The following PTPRZ1 variants were observed in gnomAD, a reference collection of about 807,000 sequenced individuals.
PTPRZ1 encodes receptor-type tyrosine-protein phosphatase zeta.
Under a neutral mutation model 214.1 loss-of-function variants are expected in PTPRZ1, and 82 were observed. The observed-to-expected ratio is 0.38, with a 90% CI of 0.32 to 0.46. PTPRZ1 has a LOEUF of 0.46. Among genes scored for constraint, PTPRZ1 ranks in the 20% least tolerant of loss-of-function variants. The pLI, the probability that PTPRZ1 is intolerant of heterozygous loss-of-function variation, is 1.00. For missense variants in PTPRZ1, 2,603 were observed against 2,748.7 expected (o/e 0.95, Z 1.19); for synonymous variants, 945 against 987.9 (o/e 0.96, Z 0.81).
intron 2 of PTPRZ1, among the ~76,000 whole-genome samples, chr7:121,935,540 TTTTTTTTGTTTGTTTGTTTG>T (rs1387131402): frequency 7.7e-5 from 10 of 129,212 alleles, no homozygotes; most frequent in African/African-American, 3.1e-4. Context: ...TTTTTTGGGG[TTTTTTTTGTTTGTTTGTTTG>T]TTTGTTTGTT....
At chr7:122,032,191 G>A (rs1019660306) in intron 15 of PTPRZ1, 2 of 152,076 alleles carry the variant, frequency 1.3e-5, no homozygotes, top group Non-Finnish European at 2.9e-5. Context: ...ATAGAGAGCT[G>A]TAAGCACAAA....
chr7:122,036,080 G>A (rs1032537853), intron 17 of PTPRZ1, among the ~76,000 whole-genome samples: 8 of 152,118 alleles, frequency 5.3e-5, no homozygotes, highest in African/African-American at 1.9e-4. Context: ...GCTGTTTGCT[G>A]TAACCATTCA....
intron 1 of PTPRZ1, among the ~76,000 whole-genome samples, chr7:121,904,025 A>C (rs2116276868): frequency 6.7e-6 from 1 of 149,708 alleles, no homozygotes; most frequent in Middle Eastern, 3.4e-3. Flanking sequence ...GACGATAATA[A>C]AATTTGAACA....
rs1457134552 is a variant in PTPRZ1, at chr7:121,983,645, T to C, written c.620-20T>C. ...TCCAGTGTTGAGATTCCAGCTGAGA[T>C]GTATATTATTCCTTTTTAGGGAAGC... is the stretch of plus-strand genomic sequence containing the variant. On this transcript the variant is annotated intron_variant, in intron 6 of 29. Transcript: ENST00000393386. The C allele has an allele frequency of 6.3e-6, 10 of 1,592,216 alleles. No homozygotes were observed. Among genetic ancestry groups the C allele is most frequent in the Non-Finnish European group, 7.7e-6 (9 of 1,167,958 alleles).
intron 1 of PTPRZ1, among the ~76,000 whole-genome samples, chr7:121,911,529 A>G (rs994316760): frequency 1.3e-5 from 2 of 152,096 alleles, no homozygotes; most frequent in East Asian, 1.9e-4. Context: ...ATAACTTTTC[A>G]TGTCTAATTC....
At position 121,926,113 on chromosome 7, in the gene PTPRZ1, A is replaced by G. The variant is rs983034695; in HGVS notation, c.59-2043A>G. ...AGGTCTGGAGTTCGAGACCAGCCTG[A>G]CCAACATAGTGAAACCCCGTCTCTA... is the stretch of plus-strand genomic sequence containing the variant. On this transcript the variant is annotated intron_variant, in intron 1 of 29. Coordinates refer to ENST00000393386, the MANE Select transcript of PTPRZ1 (RefSeq NM_002851.3). 9.8e-4 allele frequency among the ~76,000 whole-genome samples: 149 copies of G among 152,144 alleles called. 1 individual carries two copies. Among genetic ancestry groups the G allele is most frequent in the South Asian group, 1.9e-3 (9 of 4,810 alleles).
chr7:122,020,777 A>C (rs2116689015), intron 13 of PTPRZ1, among the ~76,000 whole-genome samples: 1 of 152,006 alleles, frequency 6.6e-6, no homozygotes, highest in South Asian at 2.1e-4. Context: ...AAACAAACAA[A>C]CCTGGTTTCT....
chr7:122,013,163 C>G lies in PTPRZ1; in HGVS notation c.4117C>G (p.His1373Asp), dbSNP rs574748297. ...TDHSVPIGNG[H>D]VAITAVSPHR... ...TCATTCTGTTCCTATAGGAAATGGG[C>G]ATGTTGCCATTACAGCTGTTTCTCC... Residue 1373 changes from histidine (H) to aspartate (D), a missense_variant, in exon 12 of 30, where the codon CAT (histidine) becomes GAT (aspartate). Transcript: ENST00000393386. The G allele has an allele frequency of 3.7e-6, 6 of 1,613,960 alleles. No individual in the cohort carries two copies. The East Asian group carries it at 1.3e-4, about 36-fold the overall frequency.
intron 8 of PTPRZ1, among the ~76,000 whole-genome samples, chr7:121,996,159 T>C (rs1798126901): frequency 6.6e-6 from 1 of 152,154 alleles, no homozygotes; most frequent in Non-Finnish European, 1.5e-5. Context: ...GACCAAGACC[T>C]TTCCAGAATG....
chr7:121,984,021 A>C lies in PTPRZ1; in HGVS notation c.832A>C (p.Met278Leu). 6.2e-7 allele frequency: 1 copy of C among 1,613,654 alleles called. No homozygotes were observed. Among genetic ancestry groups the C allele is most frequent in the Non-Finnish European group, 8.5e-7 (1 of 1,179,780 alleles). ...TMQQSGYVMLMDYLQNNFREQ... is the reference protein window; with the variant it reads ...TMQQSGYVMLLDYLQNNFREQ... ...GCAACAATCTGGTTATGTCATGCTG[A>C]TGGACTACTTACAAAACAATTTTCG... Residue 278 changes from methionine to leucine, a missense_variant, in exon 8 of 30, where the codon ATG becomes CTG. Around this residue, in one of 6 missense-constraint regions of PTPRZ1, gnomAD observed 244 missense variants for 333.2 expected, o/e 0.73. Transcript: ENST00000393386.
intron 8 of PTPRZ1, among the ~76,000 whole-genome samples, chr7:121,993,691 C>T (rs1584721243): frequency 6.6e-6 from 1 of 151,828 alleles, no homozygotes; most frequent in Admixed American, 6.5e-5. Flanking sequence ...CTTCTATGGT[C>T]ATTCCATGGT....
At chr7:121,882,439 A>G (rs2116168866) in intron 1 of PTPRZ1, among the ~76,000 whole-genome samples, 1 of 152,304 alleles carries the variant, frequency 6.6e-6, no homozygotes, top group Middle Eastern at 3.4e-3. Flanking sequence ...ATGGGAGCAG[A>G]AGGCATCAGA....
At chr7:121,943,898 T>C (rs1165259020) in intron 2 of PTPRZ1, among the ~76,000 whole-genome samples, 1 of 152,148 alleles carries the variant, frequency 6.6e-6, no homozygotes, top group Non-Finnish European at 1.5e-5. Flanking sequence ...GAATGAATGA[T>C]GGAGTGAAGA....
intron 1 of PTPRZ1, among the ~76,000 whole-genome samples, chr7:121,874,558 T>C (rs1483910166): frequency 6.6e-6 from 1 of 152,224 alleles, no homozygotes; most frequent in East Asian, 1.9e-4. Context: ...AGATGGTTCA[T>C]AGTAGAGTAG....
chr7:121,899,535 G>C (rs751777514), intron 1 of PTPRZ1, among the ~76,000 whole-genome samples: 95 of 152,140 alleles, frequency 6.2e-4, no homozygotes, highest in Admixed American at 2.1e-3. Context: ...TGGTATTGTA[G>C]GGACATTATC....
intron 22 of PTPRZ1, among the ~76,000 whole-genome samples, chr7:122,043,266 G>C (rs969809073): frequency 1.9e-4 from 29 of 152,228 alleles, no homozygotes; most frequent in African/African-American, 6.7e-4. Flanking sequence ...TATCTGTTTT[G>C]TGACCCCAAA....
intron 19 of PTPRZ1, 106 bp downstream of exon 19, chr7:122,038,995 T>C: frequency 8.3e-7 from 1 of 1,210,912 alleles, no homozygotes; most frequent in Non-Finnish European, 1.2e-6. Context: ...TTGAGAGTTA[T>C]TTGGGATTCT....
intron 1 of PTPRZ1, among the ~76,000 whole-genome samples, chr7:121,892,136 G>C (rs1280014251): frequency 6.6e-6 from 1 of 152,082 alleles, no homozygotes; most frequent in Non-Finnish European, 1.5e-5. Context: ...AGCATTTGGG[G>C]TTGGGCTGTT....
intron 1 of PTPRZ1, among the ~76,000 whole-genome samples, chr7:121,893,412 T>G (rs1472187728): frequency 1.3e-5 from 2 of 152,254 alleles, no homozygotes; most frequent in Non-Finnish European, 2.9e-5. Flanking sequence ...TCCACTGTCT[T>G]GGAAGTATTA....
Sources: gnomAD v4.1 joint callset for allele counts (sites outside exome capture counted in the v4.1 genomes callset) on GRCh38, gnomAD v4.1.1 for gene constraint, gnomAD v4.1.1 regional missense constraint, MANE v1.5 for transcripts, NCBI Gene and HGNC (gene_info 2026-07-23, HGNC 2026-07-21) for gene names.